The following ZNF320 variants were observed in gnomAD, a reference collection of about 807,000 sequenced individuals.
The protein encoded by ZNF320 is zinc finger gene 320.
A neutral mutation model predicts 6.8 loss-of-function variants in ZNF320; 2 were observed. That is an observed-to-expected ratio of 0.29 (90% CI 0.12 to 0.93). The LOEUF (loss-of-function observed/expected upper bound fraction) is 0.93. Among genes scored for constraint, ZNF320 ranks in the 40% least tolerant of loss-of-function variants. ZNF320 has a pLI of 0.55. For synonymous variants in ZNF320, 208 were observed against 203.2 expected, an observed-to-expected ratio of 1.02 and a Z score of -0.20; for missense variants, 472 against 611.0, an observed-to-expected ratio of 0.77 and a Z score of 2.40.
At chr19:52,901,164 A>G (rs1039117536), upstream of ZNF320, among the ~76,000 whole-genome samples, 1 of 152,192 alleles carries the variant, frequency 6.6e-6, no homozygotes, top group Admixed American at 6.5e-5. Context: ...TCCTTGGGCT[A>G]CATACTTTGG....
downstream of ZNF320, among the ~76,000 whole-genome samples, chr19:52,860,047 G>A (rs1285998819): frequency 5.3e-5 from 8 of 151,880 alleles, no homozygotes; most frequent in Non-Finnish European, 8.8e-5. Flanking sequence ...AGAGTAGCTG[G>A]GACTACAGGC....
downstream of ZNF320, among the ~76,000 whole-genome samples, chr19:52,859,738 GA>G (rs1357347897): frequency 6.6e-6 from 1 of 152,112 alleles, no homozygotes; most frequent in Non-Finnish European, 1.5e-5. Flanking sequence ...CGTAAGAAGG[GA>G]CAATGATGCC....
At chr19:52,891,511 G>T (rs1432062417) in intron 2 of ZNF320, among the ~76,000 whole-genome samples, 165 bp from the exon 3 acceptor site, 2 of 152,200 alleles carry the variant, frequency 1.3e-5, no homozygotes, top group Non-Finnish European at 2.9e-5. Flanking sequence ...GGAGATGGCT[G>T]TGATCATTTA....
chr19:52,889,855 A>T (rs1047600964), intron 4 of ZNF320, among the ~76,000 whole-genome samples: 2 of 152,112 alleles, frequency 1.3e-5, no homozygotes, highest in African/African-American at 4.8e-5. Flanking sequence ...TTTACCATGC[A>T]CTTTGTGCAC....
intron 5 of ZNF320, 58 bp from the exon 6 acceptor site, chr19:52,882,041 A>C: frequency 6.8e-7 from 1 of 1,465,492 alleles, no homozygotes; most frequent in South Asian, 1.3e-5. Context: ...TAAAACACTG[A>C]AATGTATAAA....
chr19:52,867,345 G>T (rs991135473), intron 5 of ZNF320, among the ~76,000 whole-genome samples: 1 of 151,826 alleles, frequency 6.6e-6, no homozygotes, highest in Non-Finnish European at 1.5e-5. Context: ...TTACCGGTAC[G>T]TGCCACCACC....
intron 5 of ZNF320, among the ~76,000 whole-genome samples, chr19:52,884,166 C>T (rs1236425477): frequency 6.6e-6 from 1 of 152,198 alleles, no homozygotes; most frequent in East Asian, 1.9e-4. Flanking sequence ...TGGCACCTTG[C>T]TCTTGGATTT....
intron 1 of ZNF320, among the ~76,000 whole-genome samples, chr19:52,894,601 C>T (rs1600660431): frequency 6.6e-6 from 1 of 151,326 alleles, no homozygotes; most frequent in Non-Finnish European, 1.5e-5. Flanking sequence ...AGGCCAGGCG[C>T]GGTGGCTCAC....
chr19:52,891,609 G>A (rs10417915), intron 2 of ZNF320, among the ~76,000 whole-genome samples: 127,824 of 152,092 alleles, frequency 0.84, 53,974 homozygotes, highest in African/African-American at 0.88. Flanking sequence ...TGACTGGGGC[G>A]GAGGGAGTCA....
exon 6 of ZNF320, among the ~76,000 whole-genome samples, chr19:52,861,150 T>A (rs1251848481): frequency 6.6e-6 from 1 of 152,170 alleles, no homozygotes; most frequent in Non-Finnish European, 1.5e-5. Context: ...CTGGAACTAA[T>A]AAACACATTC....
chr19:52,893,291 C>T (rs1397417653), intron 2 of ZNF320: 1 of 141,782 alleles, frequency 7.1e-6, no homozygotes, highest in East Asian at 2.0e-4. Context: ...GCAAGACTTT[C>T]TCAAAATAAT....
At chr19:52,896,894 G>T (rs905941327) in intron 1 of ZNF320, among the ~76,000 whole-genome samples, 5 of 152,126 alleles carry the variant, frequency 3.3e-5, no homozygotes, top group African/African-American at 9.7e-5. Flanking sequence ...CTCAGAAAGG[G>T]AAAGAGCCCA....
At chr19:52,898,631 C>T (rs1651050888), upstream of ZNF320, among the ~76,000 whole-genome samples, 1 of 152,166 alleles carries the variant, frequency 6.6e-6, no homozygotes, top group South Asian at 2.1e-4. Context: ...AATCCGAGCT[C>T]CCTGAATGCA....
At chr19:52,867,187 TTA>T (rs1236077525) in intron 5 of ZNF320, among the ~76,000 whole-genome samples, 48 of 151,794 alleles carry the variant, frequency 3.2e-4, no homozygotes, top group South Asian at 4.1e-4. Context: ...AATTAATTAA[TTA>T]ATTTATTTAT....
At chr19:52,874,145 C>G, downstream of ZNF320, 1 of 226,884 alleles carries the variant, frequency 4.4e-6, no homozygotes, top group South Asian at 5.0e-5. Context: ...AACACACACA[C>G]GGGAGATCTC....
At chr19:52,901,036 C>T (rs10419664), upstream of ZNF320, among the ~76,000 whole-genome samples, 2,865 of 152,116 alleles carry the variant, frequency 0.019, 96 homozygotes, top group African/African-American at 0.065. Flanking sequence ...GACCCCTCTT[C>T]TGTTCTAGCT....
chr19:52,900,388 A>G (rs1044323421), upstream of ZNF320, among the ~76,000 whole-genome samples: 1 of 152,136 alleles, frequency 6.6e-6, no homozygotes, highest in Non-Finnish European at 1.5e-5. Context: ...GAACTTAAAA[A>G]TTGTCAGGGT....
At chr19:52,876,078 A>C (rs1433906677), downstream of ZNF320, 1 of 152,210 alleles carries the variant, frequency 6.6e-6, no homozygotes, top group Non-Finnish European at 1.5e-5. Flanking sequence ...ACATCTGCAA[A>C]GAATATTATG....
chr19:52,859,537 C>T (rs1169126667), downstream of ZNF320, among the ~76,000 whole-genome samples: 1 of 152,130 alleles, frequency 6.6e-6, no homozygotes, highest in Non-Finnish European at 1.5e-5. Context: ...TGAGGATAGC[C>T]ATCTGGAAAC....
Sources: gnomAD v4.1 joint callset for allele counts (sites outside exome capture counted in the v4.1 genomes callset) on GRCh38, gnomAD v4.1.1 for gene constraint, MANE v1.5 for transcripts, NCBI Gene and HGNC (gene_info 2026-07-23, HGNC 2026-07-21) for gene names.